Variants in PLOD2 observed in about 807,000 individuals in gnomAD.
PLOD2 encodes lysine hydroxylase 2.
In PLOD2, 65 loss-of-function variants were observed where a neutral mutation model predicts 101.0. The observed-to-expected ratio is 0.64, with a 90% CI of 0.53 to 0.79. PLOD2 has a LOEUF of 0.79. Ranked by LOEUF, PLOD2 falls within the 30% of genes least tolerant of loss-of-function variation. The pLI is 0.00. For synonymous variants in PLOD2, 314 were observed against 302.9 expected (o/e 1.04, Z -0.38); for missense variants, 909 against 914.6 (o/e 0.99, Z 0.08).
In PLOD2 at chr3:146,154,409, T is replaced by A. The variant is rs145090782; in HGVS notation, c.109+6472A>T. ...TGATAATGCCTGGGGAGTATCCCCA[T>A]CACTCATGAACTTGCACAGAAACTG... On this transcript the variant is annotated intron_variant, in intron 1 of 19. Transcript: ENST00000282903. 2.8e-3 allele frequency among the ~76,000 whole-genome samples: 423 copies of A among 151,756 alleles called. 4 individuals carry two copies. The highest frequency in any genetic ancestry group is 9.8e-3 in the African/African-American group (405 of 41,358).
At chr3:146,141,818 G>A (rs1372576412) in intron 1 of PLOD2, among the ~76,000 whole-genome samples, 2 of 152,008 alleles carry the variant, frequency 1.3e-5, no homozygotes, top group African/African-American at 4.8e-5. Flanking sequence ...AATTTAAAAT[G>A]GAAACTGCAG....
At chr3:146,131,604 A>G (rs1347221203) in intron 1 of PLOD2, among the ~76,000 whole-genome samples, 2 of 152,236 alleles carry the variant, frequency 1.3e-5, no homozygotes. Flanking sequence ...GGGTCAGTCT[A>G]GCAAAGCCCA....
At chr3:146,115,808 G>T (rs921535253) in intron 3 of PLOD2, among the ~76,000 whole-genome samples, 1 of 152,132 alleles carries the variant, frequency 6.6e-6, no homozygotes, top group African/African-American at 2.4e-5. Flanking sequence ...AGGTCCTGAT[G>T]ACCATATTGT....
Position 146,071,069 on chromosome 3 carries a change from TG to T in PLOD2, c.2093del (p.Ala698AspfsTer17). On this transcript the variant is annotated frameshift_variant, in exon 19 of 20. Coordinates refer to ENST00000282903, the MANE Select transcript of PLOD2 (RefSeq NM_182943.3). LOFTEE classifies it high-confidence loss of function. Reference protein sequence around the residue: ...HDASTFTINIALNNVGEDFQG... With the variant: ...HDASTFTINIXLNNVGEDFQG... Reference sequence around the variant, plus strand: ...GAAAGTCTTCTCCCACGTTATTAAGTGCAATGTTTATGGTAAATGTAGAAGC... The same window carrying T: ...GAAAGTCTTCTCCCACGTTATTAAGTCAATGTTTATGGTAAATGTAGAAGC... 1 of 1,608,982 alleles carries T rather than the reference TG, an allele frequency of 6.2e-7. No homozygotes were observed. The highest frequency in any genetic ancestry group is 8.5e-7 in the Non-Finnish European group (1 of 1,176,150).
At chr3:146,106,369 A>C (rs1937534759) in intron 5 of PLOD2, among the ~76,000 whole-genome samples, 163 bp downstream of exon 5, 2 of 152,236 alleles carry the variant, frequency 1.3e-5, no homozygotes, top group Admixed American at 1.3e-4. Context: ...CAGGTGACAT[A>C]AACCAATCTC....
chr3:146,157,933 T>C (rs966540624), intron 1 of PLOD2, among the ~76,000 whole-genome samples: 5 of 152,216 alleles, frequency 3.3e-5, no homozygotes, highest in Admixed American at 2.6e-4. Context: ...TTTCCTTGAA[T>C]GTACCACAGT....
In PLOD2 at chr3:146,131,701, C is replaced by T. The variant is rs572152221; in HGVS notation, c.110-7472G>A. The stretch of plus-strand genomic sequence containing the variant: ...CAGTTAAGTGGTAACCAATCTAAGA[C>T]AACTCGGGATTCACAGTTACTAAAA... On this transcript the variant is annotated intron_variant, in intron 1 of 19. Transcript: ENST00000282903. 1.1e-4 allele frequency among the ~76,000 whole-genome samples: 16 copies of T among 152,238 alleles called. No individual in the cohort carries two copies. The South Asian group carries it at 3.3e-3, about 32-fold the overall frequency.
At chr3:146,120,406 G>A in intron 3 of PLOD2, among the ~76,000 whole-genome samples, 1 of 151,924 alleles carries the variant, frequency 6.6e-6, no homozygotes, top group Non-Finnish European at 1.5e-5. Flanking sequence ...TGGGAAAACT[G>A]GCTAGCCATA....
chr3:146,079,503 A>C (rs1191348130), intron 12 of PLOD2, among the ~76,000 whole-genome samples: 3 of 151,944 alleles, frequency 2.0e-5, no homozygotes, highest in Non-Finnish European at 4.4e-5. Context: ...TCTGTTTGGC[A>C]TTTGTATTAT....
intron 1 of PLOD2, among the ~76,000 whole-genome samples, chr3:146,142,500 C>G (rs146943957): frequency 6.6e-6 from 1 of 152,042 alleles, no homozygotes; most frequent in East Asian, 1.9e-4. Flanking sequence ...GAAAAGTTAT[C>G]AGGGATCTTT....
intron 1 of PLOD2, among the ~76,000 whole-genome samples, chr3:146,142,081 C>T (rs936317348): frequency 6.6e-6 from 1 of 151,966 alleles, no homozygotes; most frequent in Admixed American, 6.6e-5. Context: ...CTGTATGTAA[C>T]CAAATGTTCC....
intron 13 of PLOD2, 58 bp downstream of exon 13, chr3:146,079,058 C>G: frequency 1.3e-6 from 2 of 1,550,446 alleles, no homozygotes; most frequent in Admixed American, 3.3e-5. Context: ...GACACACCAA[C>G]TGGTAAAGCA....
At chr3:146,123,018 A>G (rs566851282) in intron 2 of PLOD2, among the ~76,000 whole-genome samples, 3 of 151,956 alleles carry the variant, frequency 2.0e-5, no homozygotes, top group African/African-American at 4.8e-5. Flanking sequence ...CATGTTTTTC[A>G]TTTATCCTAT....
intron 1 of PLOD2, among the ~76,000 whole-genome samples, chr3:146,135,078 A>G (rs556886896): frequency 6.6e-6 from 1 of 152,320 alleles, no homozygotes; most frequent in Non-Finnish European, 1.5e-5. Flanking sequence ...CCACATTGCC[A>G]TGAACACATA....
At chr3:146,112,196 C>T (rs1937666812) in intron 3 of PLOD2, among the ~76,000 whole-genome samples, 1 of 152,132 alleles carries the variant, frequency 6.6e-6, no homozygotes, top group African/African-American at 2.4e-5. Context: ...GTTACATGCA[C>T]ACATATGTCT....
At chr3:146,108,901 T>TA (rs976015749) in intron 4 of PLOD2, among the ~76,000 whole-genome samples, 4 of 152,288 alleles carry the variant, frequency 2.6e-5, no homozygotes, top group African/African-American at 9.6e-5. Context: ...ATACTTCCTT[T>TA]AAAAAATTGG....
chr3:146,096,999 TGG>T (rs1205431639), intron 7 of PLOD2, among the ~76,000 whole-genome samples: 6 of 61,984 alleles, frequency 9.7e-5, no homozygotes, highest in African/African-American at 3.1e-4. Flanking sequence ...GGGAGGGAGG[TGG>T]GGGGGTCAGC....
At chr3:146,074,481 CA>C (rs1162980718) in intron 15 of PLOD2, among the ~76,000 whole-genome samples, 1 of 151,232 alleles carries the variant, frequency 6.6e-6, no homozygotes, top group East Asian at 1.9e-4. Context: ...GTAACTCAAA[CA>C]TTTTTTATGT....
At position 146,079,138 on chromosome 3, in the gene PLOD2, A is replaced by T. The variant is rs780359513; in HGVS notation, c.1478T>A (p.Leu493His). Residue 493 changes from leucine (L) to histidine (H), a missense_variant, in exon 13 of 20, where the codon CTT (leucine) becomes CAT (histidine). Leu to His is a moderately conservative substitution (Grantham distance 99). Transcript: ENST00000282903. ...VRDKLDPDMA[L>H]CRNAREMTLQ... ...TACCATTTCTCTAGCATTTCGGCAAAGAGCCATATCAGGATCCAGTTTATC... is the reference window on the plus strand; with the variant it reads ...TACCATTTCTCTAGCATTTCGGCAATGAGCCATATCAGGATCCAGTTTATC... 3.1e-5 allele frequency: 50 copies of T among 1,612,848 alleles called. No homozygotes were observed. Among genetic ancestry groups the T allele is most frequent in the Non-Finnish European group, 3.6e-5 (43 of 1,179,098 alleles).
Sources: gnomAD v4.1 joint callset for allele counts (sites outside exome capture counted in the v4.1 genomes callset) on GRCh38, gnomAD v4.1.1 for gene constraint, MANE v1.5 for transcripts, NCBI Gene and HGNC (gene_info 2026-07-23, HGNC 2026-07-21) for gene names.